Variants in FRMPD4 observed in about 807,000 individuals in gnomAD.
FRMPD4 encodes the protein FERM and PDZ domain containing 4, also known as FERM and PDZ domain-containing protein 4.
A neutral mutation model predicts 94.1 loss-of-function variants in FRMPD4; 22 were observed. The observed-to-expected ratio is 0.23, with a 90% CI of 0.17 to 0.33. The LOEUF is 0.33. Ranked by LOEUF, FRMPD4 falls within the 10% of genes least tolerant of loss-of-function variation. The probability of loss-of-function intolerance (pLI) is 1.00; values close to 1 mark genes in which losing one functional copy is unlikely to be tolerated. For synonymous variants in FRMPD4, 631 were observed against 548.6 expected (o/e 1.15, Z -2.10); for missense variants, 1,111 against 1,339.9 (o/e 0.83, Z 2.67).
At chrX:12,244,711 C>T (rs2053928939) in intron 1 of FRMPD4, among the ~76,000 whole-genome samples, 1 of 112,700 alleles carries the variant, frequency 8.9e-6, no homozygotes, top group African/African-American at 3.2e-5. Context: ...GACCTGGGAT[C>T]CTGAAATTCT....
chrX:11,902,376 G>A (rs2053943290), intron 3 of FRMPD4, among the ~76,000 whole-genome samples: 1 of 111,206 alleles, frequency 9.0e-6, no homozygotes. Context: ...TCTTCCTGAA[G>A]CACATGGCCA....
chrX:12,323,666 A>C (rs766878402), intron 1 of FRMPD4, among the ~76,000 whole-genome samples: 1 of 111,596 alleles, frequency 9.0e-6, no homozygotes, highest in East Asian at 2.8e-4. Flanking sequence ...CATTTTTTAA[A>C]GATATGCTCA....
intron 3 of FRMPD4, among the ~76,000 whole-genome samples, chrX:11,947,187 A>G (rs1416905182): frequency 8.9e-6 from 1 of 112,096 alleles, no homozygotes; most frequent in African/African-American, 3.2e-5. Flanking sequence ...GACAGATACA[A>G]GAGTATACCA....
chrX:12,318,081 A>AAAT (rs751364294), intron 1 of FRMPD4, among the ~76,000 whole-genome samples: 15 of 113,083 alleles, frequency 1.3e-4, no homozygotes, highest in African/African-American at 4.8e-4. Flanking sequence ...TGGATAAAGT[A>AAAT]AATATAGTAT....
At chrX:12,650,981 T>C (rs191359006) in intron 4 of FRMPD4, among the ~76,000 whole-genome samples, 22 of 113,032 alleles carry the variant, frequency 1.9e-4, no homozygotes, top group African/African-American at 7.1e-4. Context: ...CCTTAGAGCA[T>C]GCAGTATCAG....
chrX:12,154,352 A>G (rs1037757751), intron 1 of FRMPD4, among the ~76,000 whole-genome samples: 1 of 112,847 alleles, frequency 8.9e-6, no homozygotes, highest in Non-Finnish European at 1.9e-5. Context: ...CACACTTGCT[A>G]TGCAGGAAAT....
chrX:12,344,544 C>G (rs1385244038), intron 1 of FRMPD4, among the ~76,000 whole-genome samples: 1 of 111,995 alleles, frequency 8.9e-6, no homozygotes, highest in Non-Finnish European at 1.9e-5. Context: ...TATTCACCAT[C>G]ATTAGGAAGT....
At chrX:12,275,428 G>T (rs1393723058) in intron 1 of FRMPD4, among the ~76,000 whole-genome samples, 5 of 110,860 alleles carry the variant, frequency 4.5e-5, no homozygotes, top group African/African-American at 6.6e-5. Flanking sequence ...CCGAGTCTCA[G>T]GTATTTATTT....
At chrX:12,613,500 A>C (rs183149791) in intron 3 of FRMPD4, among the ~76,000 whole-genome samples, 4 of 112,753 alleles carry the variant, frequency 3.5e-5, no homozygotes, top group South Asian at 7.3e-4. Context: ...TGCCTGGTGC[A>C]TAATAAATGC....
chrX:12,574,937 G>A (rs1232250028), intron 2 of FRMPD4, among the ~76,000 whole-genome samples: 1 of 112,020 alleles, frequency 8.9e-6, no homozygotes, highest in Admixed American at 9.5e-5. Flanking sequence ...AATCTCCTGA[G>A]GTTGCTCATT....
At chrX:12,477,700 T>C (rs1261861886) in intron 1 of FRMPD4, among the ~76,000 whole-genome samples, 1 of 112,802 alleles carries the variant, frequency 8.9e-6, no homozygotes, top group Non-Finnish European at 1.9e-5. Flanking sequence ...ATTGCAATCA[T>C]TTCTTGACAA....
intron 2 of FRMPD4, among the ~76,000 whole-genome samples, chrX:11,876,064 C>T (rs1395599440): frequency 2.8e-5 from 3 of 108,043 alleles, no homozygotes; most frequent in Admixed American, 9.9e-5. Context: ...TTAGTAGAGA[C>T]GGGGTTTCAC....
At chrX:11,928,983 A>T (rs2054104503) in intron 3 of FRMPD4, among the ~76,000 whole-genome samples, 1 of 112,704 alleles carries the variant, frequency 8.9e-6, no homozygotes, top group Non-Finnish European at 1.9e-5. Context: ...GCCAGAGGCC[A>T]TTATGCTTAG....
chrX:12,163,951 T>C (rs1162264974), intron 1 of FRMPD4, among the ~76,000 whole-genome samples: 3 of 112,270 alleles, frequency 2.7e-5, no homozygotes, highest in Non-Finnish European at 5.6e-5. Flanking sequence ...AGAAGCAGTT[T>C]TGTGCATACA....
chrX:12,720,049 GGAAAGAAA>G (rs199713463), intron 16 of FRMPD4, among the ~76,000 whole-genome samples: 5,737 of 38,892 alleles, frequency 0.15, 273 homozygotes, highest in Admixed American at 0.21. Flanking sequence ...GGAAAGGAAA[GGAAAGAAA>G]GAAAGAAAGA....
intron 1 of FRMPD4, among the ~76,000 whole-genome samples, chrX:12,286,610 C>T (rs1473149624): frequency 4.5e-5 from 5 of 111,616 alleles, no homozygotes; most frequent in Non-Finnish European, 9.4e-5. Flanking sequence ...TTTTTTTGTG[C>T]CTTATGAAGG....
At chrX:12,120,292 A>G (rs1020681855) in intron 3 of FRMPD4, among the ~76,000 whole-genome samples, 1 of 112,568 alleles carries the variant, frequency 8.9e-6, no homozygotes, top group Non-Finnish European at 1.9e-5. Flanking sequence ...GGTATGAATC[A>G]TCTTTCTCTT....
intron 3 of FRMPD4, among the ~76,000 whole-genome samples, chrX:11,928,665 G>A (rs746866629): frequency 3.0e-4 from 34 of 112,493 alleles, no homozygotes; most frequent in Non-Finnish European, 6.0e-4. Context: ...GTTGGTTGGA[G>A]TGTAAATTAG....
intron 1 of FRMPD4, among the ~76,000 whole-genome samples, chrX:12,240,330 G>A (rs975417127): frequency 2.7e-5 from 3 of 112,102 alleles, no homozygotes; most frequent in Non-Finnish European, 5.6e-5. Context: ...AATAATATGT[G>A]GCTCTGCCTT....
Sources: allele counts gnomAD v4.1 joint callset (sites outside exome capture counted in the v4.1 genomes callset), GRCh38; gene constraint gnomAD v4.1.1; transcripts MANE v1.5; gene names NCBI Gene and HGNC (gene_info 2026-07-23, HGNC 2026-07-21).